Variants in ZSCAN1 observed in about 807,000 individuals in gnomAD.
ZSCAN1 encodes the protein zinc finger and SCAN domain-containing protein 1.
Under a neutral mutation model 23.8 loss-of-function variants are expected in ZSCAN1, and 23 were observed. The observed-to-expected ratio is 0.97, with a 90% confidence interval of 0.70 to 1.37. The LOEUF (loss-of-function observed/expected upper bound fraction) is 1.37, where lower values mean the gene tolerates loss of function less well. Among genes scored for constraint, ZSCAN1 ranks in the 40% most tolerant of loss-of-function variants. ZSCAN1 has a pLI of 0.00. For missense variants in ZSCAN1, 575 were observed against 554.0 expected, an observed-to-expected ratio of 1.04 and a Z score of -0.38; for synonymous variants, 236 against 232.3, an observed-to-expected ratio of 1.02 and a Z score of -0.15.
chr19:58,044,651 CG>C, intron 4 of ZSCAN1: 1 of 951,742 alleles, frequency 1.1e-6, no homozygotes, highest in Non-Finnish European at 1.6e-6. Flanking sequence ...GCCGCCGCCT[CG>C]GGTCACCGCC....
chr19:58,039,902 T>A (rs1443464518), intron 3 of ZSCAN1, among the ~76,000 whole-genome samples: 3 of 152,132 alleles, frequency 2.0e-5, no homozygotes, highest in African/African-American at 4.8e-5. Flanking sequence ...TTTCTTTTTT[T>A]AATTAAAAAA....
intron 4 of ZSCAN1, chr19:58,046,428 G>C: frequency 3.5e-6 from 3 of 857,964 alleles, no homozygotes; most frequent in East Asian, 2.4e-5. Flanking sequence ...TCAACGGCTT[G>C]ATCTCGCAGC....
Position 58,040,530 on chromosome 19 carries a change from A to G in ZSCAN1, c.451A>G (p.Lys151Glu), listed in dbSNP as rs755520798. The change falls in exon 4 of 6, where the codon AAA (lysine) becomes GAA (glutamate). Residue 151 changes from lysine to glutamate, a missense_variant. Lys to Glu is a moderately conservative substitution (Grantham distance 56, BLOSUM62 1). Transcript: ENST00000282326. This position sits in a 1 kb window ranked among gnomAD's most constrained non-coding sequence, Gnocchi z 5.8. ...EEDGKSPRSQ[K>E]EPSQASELIL... ...AGATGGGAAGAGTCCAAGGTCCCAG[A>G]AAGAACCATCGCAGGTGAGCCCGGG... 18 of 1,613,354 alleles carry G rather than the reference A, an allele frequency of 1.1e-5. No homozygotes were observed. The highest frequency in any genetic ancestry group is 2.2e-5 in the East Asian group (1 of 44,882).
rs376247688 is a variant in ZSCAN1, at chr19:58,038,146, C to G, written c.310C>G (p.Arg104Gly). The G allele has an allele frequency of 4.7e-5, 76 of 1,609,108 alleles. No individual in the cohort carries two copies. The highest frequency in any genetic ancestry group is 6.1e-5 in the Non-Finnish European group (72 of 1,179,194). ...MRTWVQSQGP[R>G]SCREAASLVE... ...GACCTGGGTGCAGTCACAGGGCCCCCGAAGCTGCAGGGAGGCCGCCAGCCT... is the reference window on the plus strand; with the variant it reads ...GACCTGGGTGCAGTCACAGGGCCCCGGAAGCTGCAGGGAGGCCGCCAGCCT... The change falls in exon 3 of 6, where the codon CGA (arginine) becomes GGA (glycine). Residue 104 changes from arginine to glycine, a missense_variant. Coordinates refer to ENST00000282326, the MANE Select transcript of ZSCAN1 (RefSeq NM_182572.4).
intron 3 of ZSCAN1, among the ~76,000 whole-genome samples, chr19:58,039,770 C>CAAA (rs67254346): frequency 4.9e-4 from 41 of 83,184 alleles, no homozygotes; most frequent in South Asian, 8.4e-4. Context: ...GACTCCGTCT[C>CAAA]AAAAAAAAAA....
At chr19:58,042,154 T>C (rs114471377) in intron 4 of ZSCAN1, among the ~76,000 whole-genome samples, 3,920 of 150,870 alleles carry the variant, frequency 0.026, 179 homozygotes, top group African/African-American at 0.087. Context: ...CTAGCAGATA[T>C]ATAAGAATGT....
Position 58,045,084 on chromosome 19 carries a change from G to T in ZSCAN1, c.465+4540G>T. 1 of 1,210,358 alleles carries T rather than the reference G, an allele frequency of 8.3e-7. No individual in the cohort carries two copies. The highest frequency in any genetic ancestry group is 1.2e-6 in the Non-Finnish European group (1 of 815,446). The allele number at this position is 1,210,358 out of a possible 1,614,324, so 75.0% of individuals were successfully genotyped here. The stretch of plus-strand genomic sequence containing the variant: ...GGGCGAGCTGAGGCACTACTACCAT[G>T]GCTTCCGCCTGCTACGGATCCACAC... On this transcript the variant is annotated intron_variant, in intron 4 of 5. Coordinates refer to ENST00000282326, the MANE Select transcript of ZSCAN1 (RefSeq NM_182572.4). This position sits in a 1 kb window ranked among gnomAD's most constrained non-coding sequence, Gnocchi z 4.3.
intron 3 of ZSCAN1, 30 bp downstream of exon 3, chr19:58,038,236 C>A: frequency 6.3e-7 from 1 of 1,578,954 alleles, no homozygotes. Context: ...TGCCCCGGGC[C>A]GGGCCAGGGG....
intron 1 of ZSCAN1, among the ~76,000 whole-genome samples, chr19:58,034,963 A>G (rs1373032532): frequency 2.0e-5 from 3 of 151,690 alleles, no homozygotes; most frequent in Non-Finnish European, 4.4e-5. Context: ...CTTCTATGTC[A>G]CTAAGCATCC....
At chr19:58,044,688 C>G (rs1268124579) in intron 4 of ZSCAN1, 18 of 781,088 alleles carry the variant, frequency 2.3e-5, no homozygotes, top group Non-Finnish European at 4.1e-5. Flanking sequence ...GGGGATCCTG[C>G]TCATCTCAGC....
Position 58,045,392 on chromosome 19 carries a change from G to C in ZSCAN1, c.465+4848G>C. On this transcript the variant is annotated intron_variant, in intron 4 of 5. Coordinates refer to ENST00000282326, the MANE Select transcript of ZSCAN1 (RefSeq NM_182572.4). This position sits in a 1 kb window ranked among gnomAD's most constrained non-coding sequence, Gnocchi z 4.3. ...AGTTCCTCCAGGACACCATCCAGGA[G>C]ATGGCCTTGAAGAACGAGGCAGCCA... 1 of 916,532 alleles carries C rather than the reference G, an allele frequency of 1.1e-6. No individual in the cohort carries two copies. The highest frequency in any genetic ancestry group is 1.8e-6 in the Non-Finnish European group (1 of 542,542). The allele number at this position is 916,532 out of a possible 1,614,324, so 56.8% of individuals were successfully genotyped here. A position where few individuals can be genotyped will look rare whatever the true frequency, so the allele number is the denominator to read the frequency against.
rs572843224 is a variant in ZSCAN1, at chr19:58,049,874, T to C, written c.466-2616T>C. Among the ~76,000 whole-genome samples the C allele has an allele frequency of 2.5e-4, 38 of 152,348 alleles. 1 individual carries two copies. The South Asian group carries it at 7.9e-3, about 32-fold the overall frequency. On this transcript the variant is annotated intron_variant, in intron 4 of 5. Transcript: ENST00000282326. The surrounding 1 kb of genome is among the most constrained non-coding windows in gnomAD (Gnocchi z 4.5). ...ATCTCCTGGCATCTCAGGTATGCAT[T>C]ATCTCACCGGTGAGCTTTTTCTTGT... is the stretch of plus-strand genomic sequence containing the variant.
intron 4 of ZSCAN1, among the ~76,000 whole-genome samples, chr19:58,041,454 G>T (rs1200683760): frequency 6.6e-6 from 1 of 152,234 alleles, no homozygotes; most frequent in African/African-American, 2.4e-5. Flanking sequence ...AAACTGGGGG[G>T]ACCCCTTATC....
chr19:58,036,515 CTTTTTT>C (rs66483587), intron 2 of ZSCAN1, among the ~76,000 whole-genome samples: 1 of 93,438 alleles, frequency 1.1e-5, no homozygotes. Flanking sequence ...TTTTTCTTTT[CTTTTTT>C]TTTTTTTTTT....
intron 4 of ZSCAN1, 54 bp from the exon 5 acceptor site, chr19:58,052,436 G>T (rs1051879709): frequency 8.7e-6 from 14 of 1,611,942 alleles, no homozygotes; most frequent in Non-Finnish European, 1.2e-5. Context: ...GTGGTGGTGG[G>T]GAGGATGGCT....
At chr19:58,034,797 C>T (rs1318397947) in intron 1 of ZSCAN1, among the ~76,000 whole-genome samples, 1 of 147,866 alleles carries the variant, frequency 6.8e-6, no homozygotes, top group African/African-American at 2.5e-5. Context: ...CGTCGCTGCC[C>T]CTCCCCTGTA....
chr19:58,052,776 A>G, intron 5 of ZSCAN1, 148 bp downstream of exon 5: 1 of 1,244,156 alleles, frequency 8.0e-7, no homozygotes, highest in Non-Finnish European at 1.1e-6. Context: ...TCCTGTGAGG[A>G]CTGAGATCTG....
At chr19:58,050,162 C>T (rs956954938) in intron 4 of ZSCAN1, among the ~76,000 whole-genome samples, 29 of 151,830 alleles carry the variant, frequency 1.9e-4, no homozygotes, top group South Asian at 1.5e-3. Flanking sequence ...TGGCCGGACA[C>T]GGTGGTTCAT....
chr19:58,035,937 CTT>C (rs2073731835), intron 1 of ZSCAN1, 31 bp from the exon 2 acceptor site: 1 of 81,660 alleles, frequency 1.2e-5, no homozygotes, highest in Non-Finnish European at 3.0e-5. Context: ...CTAAAGATGT[CTT>C]GTTTTGTTTT....
Sources: allele counts gnomAD v4.1 joint callset (sites outside exome capture counted in the v4.1 genomes callset), GRCh38; gene constraint gnomAD v4.1.1; non-coding constraint Gnocchi (gnomAD v3.1); transcripts MANE v1.5; gene names NCBI Gene and HGNC (gene_info 2026-07-23, HGNC 2026-07-21).